Variants in CD4 observed in about 807,000 individuals in gnomAD.
CD4 encodes CD4 molecule, also known as T-cell surface glycoprotein CD4.
In CD4, 25 loss-of-function variants were observed where a neutral mutation model predicts 50.5. That is an observed-to-expected ratio of 0.49 (90% CI 0.36 to 0.69). The LOEUF (loss-of-function observed/expected upper bound fraction) is 0.69. CD4 is among the 30% of genes least tolerant of loss of function. The pLI is 0.00. For synonymous variants in CD4, 207 were observed against 221.9 expected (o/e 0.93, Z 0.60); for missense variants, 456 against 548.5 (o/e 0.83, Z 1.68).
At chr12:6,795,135 T>A (rs1050099415) in intron 1 of CD4, among the ~76,000 whole-genome samples, 3 of 151,550 alleles carry the variant, frequency 2.0e-5, no homozygotes, top group Non-Finnish European at 4.4e-5. Flanking sequence ...TATCTATCTA[T>A]CTAATCTATC....
chr12:6,798,722 C>G (rs1436588785), intron 1 of CD4, among the ~76,000 whole-genome samples: 3 of 152,220 alleles, frequency 2.0e-5, no homozygotes, highest in Non-Finnish European at 4.4e-5. Context: ...GGAACGTCAC[C>G]TTAGAACTGT....
At chr12:6,815,266 C>G (rs941380921) in intron 5 of CD4, among the ~76,000 whole-genome samples, 4 of 152,000 alleles carry the variant, frequency 2.6e-5, no homozygotes, top group Admixed American at 1.3e-4. Context: ...TTTGGAGGCC[C>G]CAAAGGAGGA....
At chr12:6,798,988 G>T in intron 1 of CD4, 1 of 152,516 alleles carries the variant, frequency 6.6e-6, no homozygotes, top group South Asian at 2.1e-4. Context: ...CCGCCAATTT[G>T]CCACCTTCTC....
chr12:6,817,954 C>T (rs748534887), intron 7 of CD4, among the ~76,000 whole-genome samples: 4 of 152,066 alleles, frequency 2.6e-5, no homozygotes, highest in South Asian at 2.1e-4. Flanking sequence ...CACTCACATC[C>T]GCACACGCAT....
At chr12:6,809,571 C>T (rs962658347) in intron 3 of CD4, among the ~76,000 whole-genome samples, 1 of 152,190 alleles carries the variant, frequency 6.6e-6, no homozygotes, top group South Asian at 2.1e-4. Context: ...CCAAGGCTCA[C>T]ATACCTCCCA....
rs940577841 is a variant in CD4, at chr12:6,800,524, G to A, written c.214+53G>A. On this transcript the variant is annotated intron_variant, in intron 3 of 9. Coordinates refer to ENST00000011653, the MANE Select transcript of CD4 (RefSeq NM_000616.5). ...GAGGAAAACACACTATGGAGTGAAAGCCTTTGGTGTCTGAGATCTGGTCTT... is the reference window on the plus strand; with the variant it reads ...GAGGAAAACACACTATGGAGTGAAAACCTTTGGTGTCTGAGATCTGGTCTT... 2.7e-5 allele frequency: 40 copies of A among 1,492,712 alleles called. No individual in the cohort carries two copies. The African/African-American group carries it at 4.8e-4, about 18-fold the overall frequency. 92.5% of individuals were successfully genotyped at this position (1,492,712 alleles called of 1,614,324 possible).
rs1327586478 is a variant in CD4, at chr12:6,792,187, G to C, written c.-68+2525G>C. ...TTGAGTGGGCTGCTTGGGGGTTATGGGGAGAAGATAAAAGTGCCTGTGGGA... is the reference window on the plus strand; with the variant it reads ...TTGAGTGGGCTGCTTGGGGGTTATGCGGAGAAGATAAAAGTGCCTGTGGGA... On this transcript the variant is annotated intron_variant, in intron 1 of 9. Coordinates refer to ENST00000011653, the MANE Select transcript of CD4 (RefSeq NM_000616.5). This position sits in a 1 kb window ranked among gnomAD's most constrained non-coding sequence, Gnocchi z 4.1. Among the ~76,000 whole-genome samples, 1 of 152,060 alleles carries C rather than the reference G, an allele frequency of 6.6e-6. No individual in the cohort carries two copies. The highest frequency in any genetic ancestry group is 6.5e-5 in the Admixed American group (1 of 15,274).
intron 2 of CD4, 50 bp downstream of exon 2, chr12:6,800,237 C>T: frequency 6.2e-7 from 1 of 1,612,166 alleles, no homozygotes; most frequent in Non-Finnish European, 8.5e-7. Context: ...GGAGGAAAGG[C>T]AAAGGTGGAG....
intron 3 of CD4, among the ~76,000 whole-genome samples, chr12:6,804,162 G>GCACACACA (rs57392353): frequency 2.0e-5 from 3 of 150,352 alleles, no homozygotes; most frequent in African/African-American, 7.4e-5. Flanking sequence ...AAAATAAAAA[G>GCACACACA]CACACACACA....
At chr12:6,815,839 G>A (rs1459973084) in intron 5 of CD4, 21 of 1,496,504 alleles carry the variant, frequency 1.4e-5, no homozygotes, top group Non-Finnish European at 1.8e-5. Flanking sequence ...ATGGCTTCCG[G>A]GAGGAGGGAG....
rs1427979672 is a variant in CD4, at chr12:6,816,781, G to A, written c.956-349G>A. Among the ~76,000 whole-genome samples, 1 of 152,162 alleles carries A rather than the reference G, an allele frequency of 6.6e-6. No homozygotes were observed. Among genetic ancestry groups the A allele is most frequent in the East Asian group, 1.9e-4 (1 of 5,196 alleles). On this transcript the variant is annotated intron_variant, in intron 6 of 9. Transcript: ENST00000011653. The surrounding 1 kb of genome is among the most constrained non-coding windows in gnomAD (Gnocchi z 4.9). ...ATGATAATGTCAAGCTCCAAATTGA[G>A]TTTCTGGCTTCCTTATCTCCTTATC...
At chr12:6,794,000 A>G (rs1413334009) in intron 1 of CD4, among the ~76,000 whole-genome samples, 2 of 150,728 alleles carry the variant, frequency 1.3e-5, no homozygotes, top group African/African-American at 4.9e-5. Flanking sequence ...CTATCTATCT[A>G]TCTATCACCT....
chr12:6,816,173 C>A lies in CD4; in HGVS notation c.725C>A (p.Ala242Glu), dbSNP rs199532890. 1.9e-6 allele frequency: 3 copies of A among 1,613,260 alleles called. No homozygotes were observed. Among genetic ancestry groups the A allele is most frequent in the South Asian group, 1.1e-5 (1 of 91,082 alleles). ...GGCAGTGGCGAGCTGTGGTGGCAGGCGGAGAGGGCTTCCTCCTCCAAGTCT... is the reference window on the plus strand; with the variant it reads ...GGCAGTGGCGAGCTGTGGTGGCAGGAGGAGAGGGCTTCCTCCTCCAAGTCT... ...LTGSGELWWQ[A>E]ERASSSKSWI... The change falls in exon 6 of 10, where the codon GCG becomes GAG. Residue 242 changes from alanine (A) to glutamate (E), a missense_variant. By Grantham distance (107) the Ala-to-Glu change is moderately radical. Coordinates refer to ENST00000011653, the MANE Select transcript of CD4 (RefSeq NM_000616.5). This position sits in a 1 kb window ranked among gnomAD's most constrained non-coding sequence, Gnocchi z 4.9.
At chr12:6,819,224 G>GGTGCTA (rs1259774102) in intron 9 of CD4, 75 bp from the exon 10 acceptor site, 2 of 1,443,278 alleles carry the variant, frequency 1.4e-6, no homozygotes, top group Non-Finnish European at 2.0e-6. Context: ...GCGCTGGAAA[G>GGTGCTA]GCCATTGGAG....
chr12:6,805,015 CAAA>C (rs34087134), intron 3 of CD4, among the ~76,000 whole-genome samples: 5 of 96,920 alleles, frequency 5.2e-5, no homozygotes, highest in Non-Finnish European at 4.1e-5. Context: ...GACTACGTCT[CAAA>C]AAAAAAAAAA....
chr12:6,796,418 A>C (rs1942378400), intron 1 of CD4, among the ~76,000 whole-genome samples: 1 of 152,214 alleles, frequency 6.6e-6, no homozygotes, highest in Admixed American at 6.5e-5. Flanking sequence ...TTGTCTCACC[A>C]GCAGGGGCCA....
At position 6,818,903 on chromosome 12, in the gene CD4, C is replaced by T; in HGVS notation, c.1335C>T (p.Cys445=). The T allele has an allele frequency of 6.2e-7, 1 of 1,608,204 alleles. No homozygotes were observed. Among genetic ancestry groups the T allele is most frequent in the Non-Finnish European group, 8.5e-7 (1 of 1,175,524 alleles). The change falls in exon 9 of 10, where the codon TGC becomes TGT. Residue 445 remains cysteine, a synonymous_variant. Coordinates refer to ENST00000011653, the MANE Select transcript of CD4 (RefSeq NM_000616.5). The surrounding 1 kb of genome is among the most constrained non-coding windows in gnomAD (Gnocchi z 5.0). ...IKRLLSEKKT[C]QCPHRFQKTC... ...GACTCCTCAGTGAGAAGAAGACCTGCCAGTGTCCTCAGTAAGGATCTGGGA... is the reference window on the plus strand; with the variant it reads ...GACTCCTCAGTGAGAAGAAGACCTGTCAGTGTCCTCAGTAAGGATCTGGGA...
intron 6 of CD4, 26 bp from the exon 7 acceptor site, chr12:6,817,104 G>A (rs1555118046): frequency 1.2e-6 from 2 of 1,601,884 alleles, no homozygotes; most frequent in Admixed American, 1.7e-5. Flanking sequence ...TCAGGCCTTT[G>A]ATCTCAGCCT....
chr12:6,794,008 C>A (rs937594993), intron 1 of CD4, among the ~76,000 whole-genome samples: 1 of 67,494 alleles, frequency 1.5e-5, no homozygotes, highest in South Asian at 4.5e-4. Flanking sequence ...CTATCTATCA[C>A]CTATCTATCT....
Sources: allele counts gnomAD v4.1 joint callset (sites outside exome capture counted in the v4.1 genomes callset), GRCh38; gene constraint gnomAD v4.1.1; non-coding constraint Gnocchi (gnomAD v3.1); transcripts MANE v1.5; gene names NCBI Gene and HGNC (gene_info 2026-07-23, HGNC 2026-07-21).